The following ROBO2 variants were observed in gnomAD, a reference collection of about 807,000 sequenced individuals.
The protein encoded by ROBO2 is roundabout guidance receptor 2.
In ROBO2, 53 loss-of-function variants were observed where a neutral mutation model predicts 160.8. That is an observed-to-expected ratio of 0.33 (90% CI 0.26 to 0.41). The LOEUF (loss-of-function observed/expected upper bound fraction) is 0.41, where lower values mean the gene tolerates loss of function less well. ROBO2 is among the 10% of genes least tolerant of loss of function. ROBO2 has a pLI of 1.00. For missense variants in ROBO2, 1,577 were observed against 1,722.4 expected (o/e 0.92, Z 1.49); for synonymous variants, 664 against 611.7 (o/e 1.09, Z -1.26).
chr3:76,831,386 A>G (rs978225040), intron 2 of ROBO2, among the ~76,000 whole-genome samples: 1 of 152,226 alleles, frequency 6.6e-6, no homozygotes, highest in African/African-American at 2.4e-5. Flanking sequence ...TCTCAAAGGC[A>G]GCCTTAGCAC....
At chr3:77,614,660 G>A (rs140594317) in intron 21 of ROBO2, among the ~76,000 whole-genome samples, 223 of 152,080 alleles carry the variant, frequency 1.5e-3, no homozygotes, top group African/African-American at 5.2e-3. Context: ...TTTGGAATTC[G>A]GGAAAAAGCA....
At chr3:76,453,130 G>A (rs2077562064) in intron 2 of ROBO2, among the ~76,000 whole-genome samples, 1 of 152,118 alleles carries the variant, frequency 6.6e-6, no homozygotes, top group Non-Finnish European at 1.5e-5. Flanking sequence ...TAGGCTGCCT[G>A]TTCACTCTGA....
chr3:76,230,874 A>G (rs1453917330), intron 2 of ROBO2, among the ~76,000 whole-genome samples: 4 of 152,158 alleles, frequency 2.6e-5, no homozygotes, highest in African/African-American at 9.7e-5. Context: ...TGCCCTTTTA[A>G]CAAAGGAATT....
chr3:77,150,497 A>G (rs1170594993), intron 2 of ROBO2, among the ~76,000 whole-genome samples: 1 of 152,248 alleles, frequency 6.6e-6, no homozygotes, highest in Non-Finnish European at 1.5e-5. Context: ...TAGCACAAAC[A>G]TATGTTTTTA....
intron 2 of ROBO2, among the ~76,000 whole-genome samples, chr3:76,295,251 ATTC>A (rs1425668333): frequency 6.6e-6 from 1 of 152,138 alleles, no homozygotes; most frequent in Non-Finnish European, 1.5e-5. Flanking sequence ...CTGTGGGTGG[ATTC>A]TTTTTGTCCT....
At chr3:77,376,169 T>TG in intron 2 of ROBO2, among the ~76,000 whole-genome samples, 1 of 148,732 alleles carries the variant, frequency 6.7e-6, no homozygotes, top group Admixed American at 6.7e-5. Context: ...TTTTTTTTTT[T>TG]TTTTTGACAG....
At chr3:76,181,156 T>C (rs576972482) in intron 2 of ROBO2, among the ~76,000 whole-genome samples, 1 of 152,222 alleles carries the variant, frequency 6.6e-6, no homozygotes, top group African/African-American at 2.4e-5. Flanking sequence ...TCATAGCCAT[T>C]ATTACAACTG....
intron 2 of ROBO2, among the ~76,000 whole-genome samples, chr3:77,323,688 A>T (rs2065056801): frequency 6.6e-6 from 1 of 151,978 alleles, no homozygotes; most frequent in Non-Finnish European, 1.5e-5. Context: ...TAAAGATGAA[A>T]CTCCTGAAAA....
chr3:77,391,882 G>A (rs2074774455), intron 2 of ROBO2, among the ~76,000 whole-genome samples: 1 of 152,026 alleles, frequency 6.6e-6, no homozygotes, highest in Non-Finnish European at 1.5e-5. Flanking sequence ...TTTTTGTAAA[G>A]TGATGTACTT....
chr3:77,311,085 A>C (rs969344842), intron 2 of ROBO2, among the ~76,000 whole-genome samples: 2 of 152,180 alleles, frequency 1.3e-5, no homozygotes, highest in Non-Finnish European at 2.9e-5. Flanking sequence ...AATCAAAACA[A>C]AATCTAAGAT....
chr3:76,222,105 G>T (rs1028430107), intron 2 of ROBO2, among the ~76,000 whole-genome samples: 1 of 152,102 alleles, frequency 6.6e-6, no homozygotes, highest in Non-Finnish European at 1.5e-5. Flanking sequence ...AACCTATGTT[G>T]CTGAGTGCAT....
intron 2 of ROBO2, among the ~76,000 whole-genome samples, chr3:77,363,515 G>C (rs979279240): frequency 2.6e-5 from 4 of 152,130 alleles, no homozygotes; most frequent in African/African-American, 7.2e-5. Context: ...TGTGACCCAA[G>C]AGCCTTCAAA....
At chr3:77,632,449 A>T in intron 23 of ROBO2, 1 of 1,508,156 alleles carries the variant, frequency 6.6e-7, no homozygotes, top group Non-Finnish European at 8.9e-7. Flanking sequence ...TATACAACTC[A>T]CTAGACAACT....
rs186969901 is a variant in ROBO2 at position 76,589,332 on chromosome 3, C to T, written c.110-508682C>T. ...TGTTTGTTTTTGAGACGGCGTCTGG[C>T]GCTGTCACCCAGGCTGGAGTGCAGT... On this transcript the variant is annotated intron_variant, in intron 2 of 26. Coordinates refer to the ROBO2 transcript ENST00000487694. 3.2e-4 allele frequency among the ~76,000 whole-genome samples: 49 copies of T among 152,150 alleles called. 1 individual carries two copies. The highest frequency in any genetic ancestry group is 4.9e-4 in the Non-Finnish European group (33 of 68,016).
intron 2 of ROBO2, among the ~76,000 whole-genome samples, chr3:76,428,601 T>C (rs2076312106): frequency 6.6e-6 from 1 of 152,072 alleles, no homozygotes. Flanking sequence ...ATTCTAACAC[T>C]ATAGTCTAAC....
chr3:77,533,687 C>T (rs6806673), intron 6 of ROBO2, among the ~76,000 whole-genome samples: 15,589 of 152,102 alleles, frequency 0.1, 1,694 homozygotes, highest in African/African-American at 0.27. Context: ...TGTAGCTCTC[C>T]GAGGCCTCTT....
intron 2 of ROBO2, among the ~76,000 whole-genome samples, chr3:76,227,235 C>T (rs1230186168): frequency 2.0e-5 from 3 of 152,152 alleles, no homozygotes; most frequent in African/African-American, 4.8e-5. Flanking sequence ...CATTGCTGGT[C>T]GGCCTGTCGT....
At chr3:76,986,591 T>C (rs974590820) in intron 2 of ROBO2, among the ~76,000 whole-genome samples, 1 of 152,094 alleles carries the variant, frequency 6.6e-6, no homozygotes, top group Admixed American at 6.5e-5. Flanking sequence ...AATATTACAA[T>C]TTTTAAAAAA....
intron 2 of ROBO2, among the ~76,000 whole-genome samples, chr3:75,947,732 A>G (rs1948367499): frequency 6.6e-6 from 1 of 152,104 alleles, no homozygotes; most frequent in Admixed American, 6.6e-5. Flanking sequence ...GATCAATAAA[A>G]CCTTTGGGGG....
Sources: allele counts gnomAD v4.1 joint callset (sites outside exome capture counted in the v4.1 genomes callset), GRCh38; gene constraint gnomAD v4.1.1; transcripts MANE v1.5; gene names NCBI Gene and HGNC (gene_info 2026-07-23, HGNC 2026-07-21).